Variants in ZNF385B observed in about 807,000 individuals in gnomAD.
ZNF385B encodes zinc finger protein 385B.
Under a neutral mutation model 39.2 loss-of-function variants are expected in ZNF385B, and 23 were observed. The observed-to-expected ratio is 0.59, with a 90% CI of 0.42 to 0.83. The LOEUF is 0.83. ZNF385B is among the 40% of genes least tolerant of loss of function. The probability of loss-of-function intolerance (pLI) is 0.00; values close to 1 mark genes in which losing one functional copy is unlikely to be tolerated. For missense variants in ZNF385B, 552 were observed against 598.9 expected, an observed-to-expected ratio of 0.92 and a Z score of 0.82; for synonymous variants, 205 against 222.6, an observed-to-expected ratio of 0.92 and a Z score of 0.70.
At chr2:179,453,943 C>G (rs1374130968) in intron 6 of ZNF385B, among the ~76,000 whole-genome samples, 2 of 152,156 alleles carry the variant, frequency 1.3e-5, no homozygotes, top group Admixed American at 6.6e-5. Flanking sequence ...AGTACAAAAG[C>G]ATTTGCCCCT....
intron 4 of ZNF385B, among the ~76,000 whole-genome samples, chr2:179,528,805 C>T (rs2059084358): frequency 1.3e-5 from 2 of 152,176 alleles, no homozygotes; most frequent in African/African-American, 4.8e-5. Flanking sequence ...TTGTGTGTAA[C>T]AAATATGGTC....
chr2:179,725,290 A>G (rs1164859283), intron 3 of ZNF385B, among the ~76,000 whole-genome samples: 1 of 152,036 alleles, frequency 6.6e-6, no homozygotes, highest in Non-Finnish European at 1.5e-5. Flanking sequence ...GGAAAGTTGT[A>G]GATTTTCAAT....
At chr2:179,528,428 A>G (rs1017486162) in intron 4 of ZNF385B, among the ~76,000 whole-genome samples, 2 of 152,254 alleles carry the variant, frequency 1.3e-5, no homozygotes, top group Non-Finnish European at 2.9e-5. Flanking sequence ...GTGAATAGCA[A>G]AATGATCATG....
chr2:179,492,960 T>A (rs895428279), intron 5 of ZNF385B, among the ~76,000 whole-genome samples: 1 of 152,078 alleles, frequency 6.6e-6, no homozygotes, highest in African/African-American at 2.4e-5. Flanking sequence ...GGGTCAATCT[T>A]CCACATATAA....
intron 3 of ZNF385B, among the ~76,000 whole-genome samples, chr2:179,756,216 T>C (rs563640588): frequency 1.3e-5 from 2 of 152,210 alleles, no homozygotes; most frequent in East Asian, 3.9e-4. Flanking sequence ...CTGTAAAGGA[T>C]TTTATTTCTC....
intron 4 of ZNF385B, among the ~76,000 whole-genome samples, chr2:179,540,323 G>C (rs1393010910): frequency 6.6e-6 from 1 of 152,118 alleles, no homozygotes. Context: ...GCGCATGACT[G>C]TAATCCCAGC....
At chr2:179,633,224 A>G (rs1218384691) in intron 3 of ZNF385B, among the ~76,000 whole-genome samples, 1 of 152,210 alleles carries the variant, frequency 6.6e-6, no homozygotes, top group Non-Finnish European at 1.5e-5. Context: ...TCATCCTGAT[A>G]CCAAAGTCTG....
At chr2:179,451,667 C>A (rs1377258082) in intron 6 of ZNF385B, among the ~76,000 whole-genome samples, 2 of 151,904 alleles carry the variant, frequency 1.3e-5, no homozygotes, top group Non-Finnish European at 2.9e-5. Context: ...TTAGGAAATT[C>A]TGTTATTGGA....
chr2:179,746,450 C>A (rs76575691), intron 3 of ZNF385B, among the ~76,000 whole-genome samples: 1 of 152,200 alleles, frequency 6.6e-6, no homozygotes, highest in East Asian at 1.9e-4. Flanking sequence ...ATCAAACATC[C>A]TTTAACTCCT....
chr2:179,714,920 G>A (rs1201233737), intron 3 of ZNF385B, among the ~76,000 whole-genome samples: 1 of 93,102 alleles, frequency 1.1e-5, no homozygotes, highest in Non-Finnish European at 2.0e-5. Flanking sequence ...TCCAGCCTGG[G>A]TAACAAAGCG....
At chr2:179,791,223 T>C (rs940794607) in intron 1 of ZNF385B, among the ~76,000 whole-genome samples, 16 of 152,214 alleles carry the variant, frequency 1.1e-4, no homozygotes, top group African/African-American at 3.6e-4. Context: ...CCAGTTTTCA[T>C]TGCAAATAAT....
At chr2:179,756,482 T>A (rs986606595) in intron 3 of ZNF385B, among the ~76,000 whole-genome samples, 5 of 152,168 alleles carry the variant, frequency 3.3e-5, no homozygotes, top group African/African-American at 4.8e-5. Flanking sequence ...TCAAGGAGTA[T>A]CTTTGTGGCA....
chr2:179,590,911 T>C (rs944406320), intron 3 of ZNF385B, among the ~76,000 whole-genome samples: 1 of 152,148 alleles, frequency 6.6e-6, no homozygotes, highest in Non-Finnish European at 1.5e-5. Flanking sequence ...CCTTTATAAT[T>C]ATCCAGTCTC....
chr2:179,551,429 C>T (rs1169965870), intron 3 of ZNF385B, among the ~76,000 whole-genome samples: 2 of 148,826 alleles, frequency 1.3e-5, no homozygotes, highest in Non-Finnish European at 1.5e-5. Context: ...CCCTGAAAAA[C>T]GAAGGTGTGG....
intron 1 of ZNF385B, among the ~76,000 whole-genome samples, chr2:179,772,753 T>C (rs1704084946): frequency 6.6e-6 from 1 of 152,196 alleles, no homozygotes; most frequent in South Asian, 2.1e-4. Context: ...CATCAGACTA[T>C]CTTAATTACA....
At chr2:179,669,689 C>T (rs1323049318) in intron 3 of ZNF385B, among the ~76,000 whole-genome samples, 1 of 152,120 alleles carries the variant, frequency 6.6e-6, no homozygotes, top group African/African-American at 2.4e-5. Context: ...CACTGGTGAT[C>T]ATGAAACACA....
At chr2:179,852,530 T>C (rs908954175) in intron 1 of ZNF385B, among the ~76,000 whole-genome samples, 1 of 152,150 alleles carries the variant, frequency 6.6e-6, no homozygotes, top group African/African-American at 2.4e-5. Flanking sequence ...CCATATACCA[T>C]GAGTGAGCTC....
intron 3 of ZNF385B, among the ~76,000 whole-genome samples, chr2:179,556,522 C>T (rs2060915232): frequency 6.7e-6 from 1 of 149,576 alleles, no homozygotes; most frequent in South Asian, 2.1e-4. Flanking sequence ...AAGGGAATGT[C>T]ATGTGCTTAG....
intron 6 of ZNF385B, among the ~76,000 whole-genome samples, chr2:179,455,495 A>G (rs2050591570): frequency 2.6e-5 from 4 of 152,094 alleles, no homozygotes. Flanking sequence ...CACCATGTGA[A>G]GAAGGGCATG....
Sources: allele counts gnomAD v4.1 joint callset (sites outside exome capture counted in the v4.1 genomes callset), GRCh38; gene constraint gnomAD v4.1.1; transcripts MANE v1.5; gene names NCBI Gene and HGNC (gene_info 2026-07-23, HGNC 2026-07-21).